Variants in UGT1A8 observed in about 807,000 individuals in gnomAD.
UGT1A8 encodes the protein UDP-glucuronosyltransferase 1A8.
In UGT1A8, 39 loss-of-function variants were observed where a neutral mutation model predicts 45.3. The observed-to-expected ratio is 0.86, with a 90% CI of 0.67 to 1.12. The LOEUF (loss-of-function observed/expected upper bound fraction) is 1.12. Among genes scored for constraint, UGT1A8 ranks in the 50% most tolerant of loss-of-function variants. The pLI, the probability that UGT1A8 is intolerant of heterozygous loss-of-function variation, is 0.00. For synonymous variants in UGT1A8, 275 were observed against 249.2 expected (o/e 1.10, Z -0.97); for missense variants, 719 against 664.9 (o/e 1.08, Z -0.90).
chr2:233,703,467 T>C (rs1299395084), intron 1 of UGT1A8, among the ~76,000 whole-genome samples: 1 of 152,154 alleles, frequency 6.6e-6, no homozygotes, highest in African/African-American at 2.4e-5. Context: ...CTATTCTTTA[T>C]TATTTTCTGC....
intron 1 of UGT1A8, among the ~76,000 whole-genome samples, chr2:233,724,910 T>C (rs1266541545): frequency 3.6e-5 from 5 of 139,534 alleles, no homozygotes; most frequent in Admixed American, 2.1e-4. Flanking sequence ...CTGGGCACCA[T>C]TGAGCACTGA....
At chr2:233,641,999 A>G (rs1229612010) in intron 1 of UGT1A8, among the ~76,000 whole-genome samples, 1 of 152,090 alleles carries the variant, frequency 6.6e-6, no homozygotes, top group Non-Finnish European at 1.5e-5. Context: ...TTTGGGTTAA[A>G]TGTGCTTGGT....
chr2:233,706,284 C>T (rs1160416352), intron 1 of UGT1A8, among the ~76,000 whole-genome samples: 2 of 152,062 alleles, frequency 1.3e-5, no homozygotes, highest in East Asian at 1.9e-4. Flanking sequence ...AGGGGTGGGG[C>T]CCAGTGCCAG....
chr2:233,718,884 G>T (rs755101119), intron 1 of UGT1A8: 44 of 1,614,026 alleles, frequency 2.7e-5, no homozygotes, highest in Non-Finnish European at 3.6e-5. Flanking sequence ...CCTCCTCAGT[G>T]TCCAGCCCTG....
chr2:233,672,252 T>C lies in UGT1A8; in HGVS notation c.855+53690T>C, dbSNP rs1321758675. 16 of 1,614,218 alleles carry C rather than the reference T, an allele frequency of 9.9e-6. 1 individual carries two copies. Among genetic ancestry groups the C allele is most frequent in the South Asian group, 8.8e-5 (8 of 91,080 alleles). ...GGAAAGCACAAGTACGAAGTATATA[T>C]TCTCTATTAATGGGTTCATACAATG... On this transcript the variant is annotated intron_variant, in intron 1 of 4. Coordinates refer to ENST00000373450, the MANE Select transcript of UGT1A8 (RefSeq NM_019076.5).
At chr2:233,640,053 T>C (rs764269241) in intron 1 of UGT1A8, among the ~76,000 whole-genome samples, 1 of 152,184 alleles carries the variant, frequency 6.6e-6, no homozygotes, top group African/African-American at 2.4e-5. Flanking sequence ...GGATAGGATG[T>C]GGTTACAGAG....
chr2:233,637,302 C>T lies in UGT1A8; in HGVS notation c.855+18740C>T, dbSNP rs377393900. The T allele has an allele frequency of 2.5e-6, 4 of 1,613,958 alleles. No homozygotes were observed. The East Asian group carries it at 8.9e-5, about 36-fold the overall frequency. On this transcript the variant is annotated intron_variant, in intron 1 of 4. Coordinates refer to ENST00000373450, the MANE Select transcript of UGT1A8 (RefSeq NM_019076.5). ...TGTTGCGAACGGACTTTGTTTTGGA[C>T]TATCCCAAACCCGTGATGCCCAACA...
chr2:233,760,970 C>T (rs767709240), intron 1 of UGT1A8: 2 of 1,614,170 alleles, frequency 1.2e-6, no homozygotes, highest in South Asian at 1.1e-5. Flanking sequence ...GTGGTTTATT[C>T]CCCGTATGCA....
In UGT1A8 at chr2:233,636,803, C is replaced by A. The variant is rs1198943277; in HGVS notation, c.855+18241C>A. ...CAGAACCGGGAATTCATGGTTTTCG[C>A]CCATGCTCAATGGAAAGCACAGGCA... On this transcript the variant is annotated intron_variant, in intron 1 of 4. Coordinates refer to ENST00000373450, the MANE Select transcript of UGT1A8 (RefSeq NM_019076.5). The A allele has an allele frequency of 1.9e-6, 3 of 1,614,176 alleles. No individual in the cohort carries two copies. The Admixed American group carries it at 5.0e-5, about 27-fold the overall frequency.
At chr2:233,692,459 C>T (rs2075095926) in intron 1 of UGT1A8, 1 of 156,816 alleles carries the variant, frequency 6.4e-6, no homozygotes, top group Admixed American at 6.0e-5. Context: ...CTACTACTTG[C>T]AATTGGTGTC....
intron 1 of UGT1A8, chr2:233,636,349 C>T (rs1461288366): frequency 3.7e-5 from 43 of 1,147,346 alleles, no homozygotes; most frequent in Non-Finnish European, 3.2e-5. Flanking sequence ...AAATGATACT[C>T]GTGTGTTATC....
At chr2:233,763,341 T>G (rs1156611161) in intron 1 of UGT1A8, among the ~76,000 whole-genome samples, 1 of 152,260 alleles carries the variant, frequency 6.6e-6, no homozygotes, top group Admixed American at 6.5e-5. Context: ...TACATTTCCC[T>G]AGCACATCTT....
chr2:233,653,407 T>C (rs2073785361), intron 1 of UGT1A8, among the ~76,000 whole-genome samples: 1 of 152,082 alleles, frequency 6.6e-6, no homozygotes, highest in South Asian at 2.1e-4. Flanking sequence ...CTTAAAGTAA[T>C]AGGTTAAAAA....
rs28900381 is a variant in UGT1A8 at position 233,747,569 on chromosome 2, T to A, written c.856-19465T>A. The A allele has an allele frequency of 1.9e-3, 2,961 of 1,591,598 alleles. 126 individuals are homozygous for A. The African/African-American group carries it at 0.036, about 19-fold the overall frequency. Reference sequence around the variant, plus strand: ...CTAAAAGTATGGCAATTTTGAAAAATTCATCTTTGGTCTTTCATAGGTCTT... The same window carrying A: ...CTAAAAGTATGGCAATTTTGAAAAAATCATCTTTGGTCTTTCATAGGTCTT... On this transcript the variant is annotated intron_variant, in intron 1 of 4. Transcript: ENST00000373450.
intron 1 of UGT1A8, among the ~76,000 whole-genome samples, chr2:233,660,453 C>T (rs886705872): frequency 6.6e-6 from 1 of 152,094 alleles, no homozygotes; most frequent in African/African-American, 2.4e-5. Flanking sequence ...AAAGACAGTC[C>T]TTTAGTGGCA....
At chr2:233,670,896 G>A (rs1043718262) in intron 1 of UGT1A8, among the ~76,000 whole-genome samples, 3 of 152,174 alleles carry the variant, frequency 2.0e-5, no homozygotes, top group African/African-American at 7.2e-5. Context: ...CAGAAAAAGT[G>A]TTCTTGCCGA....
chr2:233,763,704 GA>G lies in UGT1A8; in HGVS notation c.856-3328del, dbSNP rs779879703. On this transcript the variant is annotated intron_variant, in intron 1 of 4. Transcript: ENST00000373450. ...AAAGATAAAACTTTTATTGCACAAA[GA>G]AGTCCATAGAGAAAGCACAACCTGG... Among the ~76,000 whole-genome samples the G allele has an allele frequency of 3.9e-5, 6 of 152,288 alleles. No individual in the cohort carries two copies. The South Asian group carries it at 1.2e-3, about 32-fold the overall frequency.
intron 1 of UGT1A8, among the ~76,000 whole-genome samples, chr2:233,757,149 G>T (rs1696420476): frequency 6.6e-6 from 1 of 151,394 alleles, no homozygotes; most frequent in South Asian, 2.1e-4. Flanking sequence ...CAGGTGGGCT[G>T]GGGTCTATCC....
At chr2:233,648,562 G>C (rs563356418) in intron 1 of UGT1A8, 1 of 189,680 alleles carries the variant, frequency 5.3e-6, no homozygotes, top group African/African-American at 2.4e-5. Flanking sequence ...CCGGGTTCAC[G>C]CCATTCCTCT....
Sources: gnomAD v4.1 joint callset for allele counts (sites outside exome capture counted in the v4.1 genomes callset) on GRCh38, gnomAD v4.1.1 for gene constraint, MANE v1.5 for transcripts, NCBI Gene and HGNC (gene_info 2026-07-23, HGNC 2026-07-21) for gene names.